The following IFT88 variants were observed in gnomAD, a reference collection of about 807,000 sequenced individuals.
IFT88 encodes the protein intraflagellar transport 88.
In IFT88, 74 loss-of-function variants were observed where a neutral mutation model predicts 119.5. That is an observed-to-expected ratio of 0.62 (90% CI 0.51 to 0.75). IFT88 has a LOEUF of 0.75. Among genes scored for constraint, IFT88 ranks in the 30% least tolerant of loss-of-function variants. IFT88 has a pLI of 0.00. For synonymous variants in IFT88, 279 were observed against 316.7 expected (o/e 0.88, Z 1.26); for missense variants, 961 against 977.7 (o/e 0.98, Z 0.23).
chr13:20,592,475 A>AT, intron 7 of IFT88, 71 bp downstream of exon 7: 1 of 1,279,696 alleles, frequency 7.8e-7, no homozygotes, highest in Non-Finnish European at 1.1e-6. Flanking sequence ...CCAAATACAC[A>AT]ATTTTTTTTT....
rs948289474 is a variant in IFT88, at chr13:20,578,758, C to T, written c.91-4199C>T. Among the ~76,000 whole-genome samples the T allele has an allele frequency of 6.6e-5, 10 of 152,088 alleles. 1 individual carries two copies. Among genetic ancestry groups the T allele is most frequent in the South Asian group, 4.2e-4 (2 of 4,816 alleles). ...GAGATGAGGTTTTACCATGTTGGTT[C>T]GGCTGGTCTTGAACTGCTGACCTCA... is the stretch of plus-strand genomic sequence containing the variant. On this transcript the variant is annotated intron_variant, in intron 2 of 25. Transcript: ENST00000351808.
intron 23 of IFT88, among the ~76,000 whole-genome samples, chr13:20,668,055 C>T (rs919734922): frequency 4.6e-5 from 7 of 152,174 alleles, no homozygotes; most frequent in Non-Finnish European, 1.0e-4. Flanking sequence ...GTATATGTGG[C>T]GTTTGTGACA....
intron 9 of IFT88, among the ~76,000 whole-genome samples, chr13:20,597,613 G>A (rs940850339): frequency 4.0e-4 from 60 of 151,892 alleles, no homozygotes; most frequent in East Asian, 5.8e-4. Flanking sequence ...GTGTGGTGGC[G>A]GGCGCCTGTA....
chr13:20,619,006 A>G (rs1371523729), intron 14 of IFT88, among the ~76,000 whole-genome samples: 1 of 151,728 alleles, frequency 6.6e-6, no homozygotes, highest in Non-Finnish European at 1.5e-5. Flanking sequence ...ACAGGCGCAC[A>G]TTGCCACGCC....
chr13:20,567,823 A>T, intron 1 of IFT88: 1 of 1,233,342 alleles, frequency 8.1e-7, no homozygotes, highest in South Asian at 1.9e-5. Flanking sequence ...GCCTAAAATT[A>T]CACTTTTACT....
intron 7 of IFT88, among the ~76,000 whole-genome samples, chr13:20,594,432 G>A (rs560538036): frequency 1.1e-4 from 16 of 152,294 alleles, no homozygotes; most frequent in African/African-American, 3.8e-4. Context: ...ACTTGGCAAA[G>A]AGAATGAGAT....
At position 20,605,572 on chromosome 13, in the gene IFT88, A is replaced by C. The variant is rs2043290385; in HGVS notation, c.1112+467A>C. Among the ~76,000 whole-genome samples the C allele has an allele frequency of 2.0e-5, 3 of 152,150 alleles. No individual in the cohort carries two copies. In the South Asian group the frequency reaches 6.2e-4, roughly 32 times the overall value. On this transcript the variant is annotated intron_variant, in intron 13 of 25. Transcript: ENST00000351808. ...GTACTACAACTTGTTTCTACTTACA[A>C]CACTTCTGACACCAAATGTGTGGTT...
intron 15 of IFT88, among the ~76,000 whole-genome samples, chr13:20,628,986 C>T (rs2047772479): frequency 6.6e-6 from 1 of 152,118 alleles, no homozygotes; most frequent in Admixed American, 6.5e-5. Flanking sequence ...ATACAAGGGA[C>T]TATAACACTC....
At chr13:20,592,509 GC>G in intron 7 of IFT88, 105 bp downstream of exon 7, 1 of 761,966 alleles carries the variant, frequency 1.3e-6, no homozygotes, top group Non-Finnish European at 2.1e-6. Flanking sequence ...TCACTCTGTT[GC>G]CCAGGCTGGA....
At chr13:20,651,326 T>G (rs1318835983) in intron 20 of IFT88, among the ~76,000 whole-genome samples, 1 of 151,228 alleles carries the variant, frequency 6.6e-6, no homozygotes, top group Non-Finnish European at 1.5e-5. Flanking sequence ...CATCTATGTC[T>G]TCTTTAATTT....
At chr13:20,687,138 C>G (rs550618512) in intron 24 of IFT88, among the ~76,000 whole-genome samples, 1 of 150,952 alleles carries the variant, frequency 6.6e-6, no homozygotes, top group South Asian at 2.1e-4. Context: ...TTGGTCAAGT[C>G]GGGATGTAGT....
At chr13:20,586,757 C>G (rs1334706214) in intron 3 of IFT88, among the ~76,000 whole-genome samples, 1 of 152,198 alleles carries the variant, frequency 6.6e-6, no homozygotes, top group African/African-American at 2.4e-5. Context: ...TGGAGCCAAT[C>G]TTATCAAGCA....
chr13:20,597,938 C>G (rs1363852653), intron 9 of IFT88, among the ~76,000 whole-genome samples: 2 of 151,626 alleles, frequency 1.3e-5, no homozygotes, highest in Non-Finnish European at 2.9e-5. Flanking sequence ...AAATAATGTT[C>G]TATGAGGGTA....
chr13:20,592,368 G>T lies in IFT88; in HGVS notation c.362G>T (p.Gly121Val). The T allele has an allele frequency of 3.7e-6, 6 of 1,611,600 alleles. No individual in the cohort carries two copies. The highest frequency in any genetic ancestry group is 5.1e-6 in the Non-Finnish European group (6 of 1,179,082). ...SAFDPLSQSR[G>V]PASPLEAKKK... Reference sequence around the variant, plus strand: ...TTTGACCCCCTTAGTCAGTCAAGGGGCCCTGCTTCCCCTTTGGAAGCCAAG... The same window carrying T: ...TTTGACCCCCTTAGTCAGTCAAGGGTCCCTGCTTCCCCTTTGGAAGCCAAG... The change falls in exon 7 of 26, where the codon GGC becomes GTC. Residue 121 changes from glycine to valine, a missense_variant. Coordinates refer to ENST00000351808, the MANE Select transcript of IFT88 (RefSeq NM_006531.5).
At chr13:20,615,354 T>C (rs1324422114) in intron 13 of IFT88, among the ~76,000 whole-genome samples, 1 of 152,228 alleles carries the variant, frequency 6.6e-6, no homozygotes, top group African/African-American at 2.4e-5. Context: ...CATATACATA[T>C]ACACACACGG....
intron 5 of IFT88, 76 bp downstream of exon 5, chr13:20,591,096 A>AT: frequency 1.1e-6 from 1 of 946,558 alleles, no homozygotes; most frequent in Non-Finnish European, 1.6e-6. Context: ...TTTTTACTTT[A>AT]TTATATTATT....
At chr13:20,672,080 A>G (rs529856906) in intron 24 of IFT88, among the ~76,000 whole-genome samples, 1 of 152,304 alleles carries the variant, frequency 6.6e-6, no homozygotes, top group Admixed American at 6.5e-5. Context: ...GGATGCTGCC[A>G]TGGTAGAGAA....
chr13:20,673,265 C>T (rs999325221), intron 24 of IFT88, among the ~76,000 whole-genome samples: 1 of 152,172 alleles, frequency 6.6e-6, no homozygotes, highest in Non-Finnish European at 1.5e-5. Flanking sequence ...AAAATCTCTC[C>T]CCTTAACTTA....
intron 20 of IFT88, among the ~76,000 whole-genome samples, chr13:20,652,608 C>A (rs1367609842): frequency 1.3e-5 from 2 of 150,726 alleles, no homozygotes; most frequent in African/African-American, 2.4e-5. Context: ...AGACTGGGAC[C>A]CTGTCTGAAA....
Sources: allele counts gnomAD v4.1 joint callset (sites outside exome capture counted in the v4.1 genomes callset), GRCh38; gene constraint gnomAD v4.1.1; transcripts MANE v1.5; gene names NCBI Gene and HGNC (gene_info 2026-07-23, HGNC 2026-07-21).